NRG3: variants seen among roughly 807,000 people sequenced by gnomAD.
The protein encoded by NRG3 is pro-neuregulin-3, membrane-bound isoform.
A neutral mutation model predicts 66.9 loss-of-function variants in NRG3; 31 were observed. The observed-to-expected ratio is 0.46, with a 90% confidence interval of 0.35 to 0.63. NRG3 has a LOEUF of 0.63. NRG3 is among the 20% of genes least tolerant of loss of function. NRG3 has a pLI of 0.00. For synonymous variants in NRG3, 393 were observed against 359.4 expected (o/e 1.09, Z -1.06); for missense variants, 910 against 878.9 (o/e 1.04, Z -0.45).
chr10:82,580,000 G>C (rs2046261523), intron 2 of NRG3, among the ~76,000 whole-genome samples: 1 of 151,894 alleles, frequency 6.6e-6, no homozygotes, highest in Non-Finnish European at 1.5e-5. Context: ...ATCTAAGGAT[G>C]CTCAAGTCAC....
intron 2 of NRG3, among the ~76,000 whole-genome samples, chr10:82,400,653 A>G (rs1160952809): frequency 2.6e-5 from 4 of 151,186 alleles, no homozygotes; most frequent in African/African-American, 9.8e-5. Context: ...CTGCAACCTC[A>G]AACTCCTGGG....
Position 81,875,545 on chromosome 10 carries a change from G to T in NRG3, c.205G>T (p.Val69Leu), listed in dbSNP as rs1380925534. 5.0e-6 allele frequency: 8 copies of T among 1,612,816 alleles called. No individual in the cohort carries two copies. Among genetic ancestry groups the T allele is most frequent in the Admixed American group, 3.3e-5 (2 of 59,976 alleles). Reference protein sequence around the residue: ...VWNRQQTWLCVVPLFIGFIGL... With the variant: ...VWNRQQTWLCLVPLFIGFIGL... ...GAACCGGCAGCAGACGTGGCTGTGC[G>T]TGGTACCTCTGTTCATCGGCTTCAT... The change falls in exon 1 of 9, where the codon GTG becomes TTG. Residue 69 changes from valine to leucine, a missense_variant. Val to Leu is a conservative substitution (Grantham distance 32). Coordinates refer to ENST00000372141, the MANE Select transcript of NRG3 (RefSeq NM_001010848.4). This position sits in a 1 kb window ranked among gnomAD's most constrained non-coding sequence, Gnocchi z 5.3.
intron 2 of NRG3, among the ~76,000 whole-genome samples, chr10:82,665,934 T>C (rs1196606530): frequency 6.6e-6 from 1 of 152,168 alleles, no homozygotes; most frequent in Non-Finnish European, 1.5e-5. Flanking sequence ...CGATCTCGGC[T>C]CACTGCAACC....
chr10:82,293,456 A>G (rs1354177247), intron 1 of NRG3, among the ~76,000 whole-genome samples: 1 of 152,194 alleles, frequency 6.6e-6, no homozygotes, highest in Non-Finnish European at 1.5e-5. Context: ...TTACAGAATC[A>G]CACTTTGGTG....
chr10:82,306,044 A>G (rs1012874506), intron 1 of NRG3, among the ~76,000 whole-genome samples: 6 of 152,230 alleles, frequency 3.9e-5, no homozygotes, highest in Non-Finnish European at 7.3e-5. Flanking sequence ...TTTTTTAAAA[A>G]TAAATAATTA....
chr10:82,717,066 A>G (rs1351820884), intron 2 of NRG3, among the ~76,000 whole-genome samples: 4 of 152,174 alleles, frequency 2.6e-5, no homozygotes, highest in Non-Finnish European at 4.4e-5. Context: ...GCTAAACATC[A>G]AACCAAATTC....
At chr10:82,906,404 C>G (rs1029900450) in intron 4 of NRG3, among the ~76,000 whole-genome samples, 1 of 152,080 alleles carries the variant, frequency 6.6e-6, no homozygotes, top group South Asian at 2.1e-4. Flanking sequence ...GAACTTTGGG[C>G]TTTTATTAAA....
At chr10:82,496,610 C>G (rs768236652) in intron 2 of NRG3, among the ~76,000 whole-genome samples, 9 of 152,026 alleles carry the variant, frequency 5.9e-5, no homozygotes, top group Non-Finnish European at 1.2e-4. Flanking sequence ...GTTTTATTCT[C>G]TTTACATATT....
chr10:82,892,447 T>C (rs1197601262), intron 4 of NRG3, among the ~76,000 whole-genome samples: 1 of 152,068 alleles, frequency 6.6e-6, no homozygotes, highest in East Asian at 1.9e-4. Context: ...GAGGATCGCT[T>C]GAAGCCCAGG....
intron 2 of NRG3, among the ~76,000 whole-genome samples, chr10:82,425,727 A>C (rs2089385199): frequency 6.6e-6 from 1 of 152,182 alleles, no homozygotes. Flanking sequence ...TTTGCCAAGC[A>C]AATGTGTTTA....
At chr10:81,987,405 C>A (rs1195681647) in intron 1 of NRG3, among the ~76,000 whole-genome samples, 3 of 152,158 alleles carry the variant, frequency 2.0e-5, no homozygotes, top group Admixed American at 2.0e-4. Context: ...AACAAATTAT[C>A]TGACAGAAAT....
chr10:82,920,059 C>T (rs556644717), intron 4 of NRG3, among the ~76,000 whole-genome samples: 10 of 152,230 alleles, frequency 6.6e-5, no homozygotes, highest in African/African-American at 2.4e-4. Context: ...CATTCCCATA[C>T]TTATGACATG....
At chr10:82,200,207 T>C (rs537972594) in intron 1 of NRG3, among the ~76,000 whole-genome samples, 315 of 152,268 alleles carry the variant, frequency 2.1e-3, no homozygotes, top group African/African-American at 7.3e-3. Context: ...TAATCTTCAA[T>C]TATTAGTGCA....
intron 1 of NRG3, among the ~76,000 whole-genome samples, chr10:82,118,905 A>G (rs1293366084): frequency 6.6e-6 from 1 of 152,130 alleles, no homozygotes; most frequent in African/African-American, 2.4e-5. Flanking sequence ...TGGTCCTTCA[A>G]ACAGGCTGGC....
chr10:82,377,707 C>T (rs975913869), intron 2 of NRG3, among the ~76,000 whole-genome samples: 2 of 152,100 alleles, frequency 1.3e-5, no homozygotes, highest in Non-Finnish European at 2.9e-5. Flanking sequence ...TAAATCTAAA[C>T]CTAGAGAACA....
intron 3 of NRG3, among the ~76,000 whole-genome samples, chr10:82,828,094 A>G (rs1191992739): frequency 2.0e-5 from 3 of 152,142 alleles, no homozygotes; most frequent in Non-Finnish European, 4.4e-5. Context: ...TGTCTTCTGC[A>G]TGAGCTGTTC....
chr10:81,879,437 C>T (rs1252795267), intron 1 of NRG3, among the ~76,000 whole-genome samples: 1 of 152,126 alleles, frequency 6.6e-6, no homozygotes, highest in African/African-American at 2.4e-5. Context: ...TACAATGCTG[C>T]CAATGCAAAT....
chr10:82,506,079 C>G (rs955633767), intron 2 of NRG3, among the ~76,000 whole-genome samples: 2 of 152,140 alleles, frequency 1.3e-5, no homozygotes, highest in South Asian at 4.1e-4. Flanking sequence ...AACCCCTTCT[C>G]TACTAAAAAT....
intron 1 of NRG3, among the ~76,000 whole-genome samples, chr10:82,044,894 A>G (rs1170136263): frequency 1.3e-5 from 2 of 151,630 alleles, no homozygotes; most frequent in East Asian, 3.9e-4. Context: ...AAGGATATGA[A>G]CTCATCATTT....
Sources: allele counts gnomAD v4.1 joint callset (sites outside exome capture counted in the v4.1 genomes callset), GRCh38; gene constraint gnomAD v4.1.1; non-coding constraint Gnocchi (gnomAD v3.1); transcripts MANE v1.5; gene names NCBI Gene and HGNC (gene_info 2026-07-23, HGNC 2026-07-21).